Variants in TMEM200C observed in about 807,000 individuals in gnomAD.
TMEM200C encodes the protein transmembrane protein TTMA.
For missense variants in TMEM200C, 966 were observed against 699.9 expected, an observed-to-expected ratio of 1.38 and a Z score of -4.29; for synonymous variants, 462 against 324.7, an observed-to-expected ratio of 1.42 and a Z score of -4.55.
chr18:5,890,670 G>A (rs1047425853), exon 3 of TMEM200C: 71 of 598,364 alleles, frequency 1.2e-4, no homozygotes, highest in Non-Finnish European at 1.2e-4. Flanking sequence ...CCGCAAGGCC[G>A]CGTACCTGCC....
At chr18:5,887,170 ACATTCGAGTCCTGCCACTGCTG>A (rs2095166003) in exon 3 of TMEM200C, 1 of 152,214 alleles carries the variant, frequency 6.6e-6, no homozygotes, top group Admixed American at 6.5e-5. Context: ...TTTTAATTTA[ACATTCGAGTCCTGCCACTGCTG>A]TTTGTCTCAG....
rs2095169347 is a variant in TMEM200C at position 5,890,578 on chromosome 18, C to G, written c.1486G>C (p.Asp496His). 11 of 1,319,504 alleles carry G rather than the reference C, an allele frequency of 8.3e-6. No homozygotes were observed. The East Asian group carries it at 3.3e-4, about 39-fold the overall frequency. The allele number at this position is 1,319,504 out of a possible 1,614,324, so 81.7% of individuals were successfully genotyped here. Residue 496 changes from aspartate to histidine, a missense_variant, in exon 3 of 3, where the codon GAC becomes CAC. By Grantham distance (81) the Asp-to-His change is moderately conservative. Transcript: ENST00000581347. ...GCGGCCTTGGCCAGAGGGCTGGAGT[C>G]CGGGTCCGCACTCCCCGGGGAGGGC...
intron 2 of TMEM200C, among the ~76,000 whole-genome samples, chr18:5,893,465 CT>C (rs375369229): frequency 1.5e-4 from 23 of 152,332 alleles, no homozygotes; most frequent in African/African-American, 5.5e-4. Context: ...AAATTACAGT[CT>C]TGCTGTATCT....
At chr18:5,892,743 T>C (rs1241068351) in intron 2 of TMEM200C, among the ~76,000 whole-genome samples, 1 of 152,212 alleles carries the variant, frequency 6.6e-6, no homozygotes, top group Non-Finnish European at 1.5e-5. Context: ...GGTCATATAA[T>C]GGCAGGCAGG....
exon 3 of TMEM200C, chr18:5,890,011 A>C (rs2095168406): frequency 2.1e-6 from 1 of 468,828 alleles, no homozygotes; most frequent in South Asian, 1.1e-4. Flanking sequence ...TGCTTAAAAA[A>C]AAAAATCCTT....
At position 5,891,436 on chromosome 18, in the gene TMEM200C, C is replaced by T. The variant is rs781080326; in HGVS notation, c.628G>A (p.Val210Met). 8.4e-6 allele frequency: 13 copies of T among 1,551,374 alleles called. No individual in the cohort carries two copies. In the East Asian group the frequency reaches 1.5e-4, roughly 18 times the overall value. The change falls in exon 3 of 3, where the codon GTG becomes ATG. Residue 210 changes from valine (V) to methionine (M), a missense_variant. Physicochemically the swap from Val to Met is conservative, Grantham distance 21 (BLOSUM62 1). Coordinates refer to ENST00000581347, the Ensembl canonical transcript of TMEM200C. This position sits in a 1 kb window ranked among gnomAD's most constrained non-coding sequence, Gnocchi z 4.7. ...AGGTCTTTGGCGCGGAGGCTGTGCA[C>T]GTCGATGACGGTGGAGTAGAGGTCC...
At position 5,891,373 on chromosome 18, in the gene TMEM200C, AG is replaced by A; in HGVS notation, c.690del (p.Ser231LeufsTer31). The A allele has an allele frequency of 7.5e-7, 1 of 1,340,880 alleles. No homozygotes were observed. Among genetic ancestry groups the A allele is most frequent in the Non-Finnish European group, 9.5e-7 (1 of 1,053,168 alleles). 83.1% of individuals were successfully genotyped at this position (1,340,880 alleles called of 1,614,324 possible). On this transcript the variant is annotated frameshift_variant, in exon 3 of 3. Coordinates refer to ENST00000581347, the Ensembl canonical transcript of TMEM200C. LOFTEE classifies it low-confidence loss of function (END_TRUNC). The surrounding 1 kb of genome is among the most constrained non-coding windows in gnomAD (Gnocchi z 4.7). ...GCGGCGGGGGCAGACGACGACGAAG[AG>A]GCGGCGGCGGCCGCGGCGGCGGCCG...
exon 3 of TMEM200C, chr18:5,883,053 TC>T (rs2095162895): frequency 6.6e-6 from 1 of 152,100 alleles, no homozygotes; most frequent in Non-Finnish European, 1.5e-5. Context: ...TTTTTAATCT[TC>T]TTACCAATAG....
At chr18:5,883,458 C>G (rs1414101505) in exon 3 of TMEM200C, 1 of 152,044 alleles carries the variant, frequency 6.6e-6, no homozygotes, top group Non-Finnish European at 1.5e-5. Context: ...AAATGACTGG[C>G]TGTTTAAAAA....
At position 5,890,412 on chromosome 18, in the gene TMEM200C, A is replaced by C. The variant is rs780687043; in HGVS notation, c.1652T>G (p.Leu551Trp). ...TCGCGTTTGACCAGCTACTGCGTCC[A>C]AGACCGACTCGGTGGAGGTGCCGGC... The change falls in exon 3 of 3, where the codon TTG (leucine) becomes TGG (tryptophan). Residue 551 changes from leucine (L) to tryptophan (W), a missense_variant. Coordinates refer to ENST00000581347, the Ensembl canonical transcript of TMEM200C. The C allele has an allele frequency of 7.6e-6, 12 of 1,575,862 alleles. No homozygotes were observed. The South Asian group carries it at 1.4e-4, about 19-fold the overall frequency.
intron 1 of TMEM200C, chr18:5,895,491 G>C (rs2095175198): frequency 6.7e-6 from 1 of 149,460 alleles, no homozygotes; most frequent in African/African-American, 2.4e-5. Context: ...CTAAGAGACC[G>C]GAGCCATGAC....
At chr18:5,895,571 C>A (rs1319528927) in intron 1 of TMEM200C, 49 bp from the exon 1 acceptor site, 1 of 140,706 alleles carries the variant, frequency 7.1e-6, no homozygotes, top group Non-Finnish European at 1.6e-5. Flanking sequence ...CGCCCCCGCC[C>A]CCGCCCCCCG....
At chr18:5,889,097 T>A (rs1230854954) in exon 3 of TMEM200C, 2 of 152,240 alleles carry the variant, frequency 1.3e-5, no homozygotes, top group Non-Finnish European at 2.9e-5. Flanking sequence ...ATCAAGACCA[T>A]TAACTTATAA....
exon 3 of TMEM200C, chr18:5,889,143 A>G (rs1174438096): frequency 6.6e-6 from 1 of 152,268 alleles, no homozygotes; most frequent in African/African-American, 2.4e-5. Flanking sequence ...GAGAATATTA[A>G]GCCTGGTGCT....
chr18:5,892,058 G>A, exon 3 of TMEM200C: 1 of 1,611,948 alleles, frequency 6.2e-7, no homozygotes, highest in Non-Finnish European at 8.5e-7. Flanking sequence ...CGCCGGTGGC[G>A]ATCATGGCGA....
At position 5,891,773 on chromosome 18, in the gene TMEM200C, C is replaced by G. The variant is rs2144453508; in HGVS notation, c.291G>C (p.Arg97=). 1 of 1,609,102 alleles carries G rather than the reference C, an allele frequency of 6.2e-7. No homozygotes were observed. Among genetic ancestry groups the G allele is most frequent in the Non-Finnish European group, 8.5e-7 (1 of 1,179,246 alleles). Residue 97 remains arginine, a synonymous_variant, in exon 3 of 3, where the codon CGG becomes CGC. Transcript: ENST00000581347. The surrounding 1 kb of genome is among the most constrained non-coding windows in gnomAD (Gnocchi z 4.7). ...TACTGCTGTTGGCCGTGGTTGGGAC[C>G]CGGTGGCTGCTGCCCGCAGGCGGCA...
chr18:5,890,926 C>T (rs764713082), exon 3 of TMEM200C: 13 of 677,420 alleles, frequency 1.9e-5, no homozygotes, highest in Admixed American at 8.4e-5. Context: ...GGCAGCAGCG[C>T]GAAGGCGCTC....
rs1026424750 is a variant in TMEM200C, at chr18:5,891,233, C to T, written c.831G>A (p.Ala277=). 8.7e-4 allele frequency: 1,151 copies of T among 1,322,792 alleles called. 1 individual carries two copies. The highest frequency in any genetic ancestry group is 1.0e-3 in the Non-Finnish European group (1,065 of 1,024,008). 81.9% of individuals were successfully genotyped at this position (1,322,792 alleles called of 1,614,324 possible). A position where few individuals can be genotyped will look rare whatever the true frequency, so the allele number is the denominator to read the frequency against. The change falls in exon 3 of 3, where the codon GCG becomes GCA. Residue 277 remains alanine, a synonymous_variant. Coordinates refer to ENST00000581347, the Ensembl canonical transcript of TMEM200C. This position sits in a 1 kb window ranked among gnomAD's most constrained non-coding sequence, Gnocchi z 4.7. ...GAGGCCACGAGCCCTTGGCCAGCAT[C>T]GCCGCCGCTCCGAAGGCGTCCCCGG... is the stretch of plus-strand genomic sequence containing the variant.
At chr18:5,894,841 A>G (rs1599528585) in intron 2 of TMEM200C, among the ~76,000 whole-genome samples, 189 bp downstream of exon 1, 2 of 152,210 alleles carry the variant, frequency 1.3e-5, no homozygotes, top group East Asian at 3.9e-4. Flanking sequence ...AAGTGAGGGC[A>G]ATCCTGAACT....
Sources: gnomAD v4.1 joint callset for allele counts (sites outside exome capture counted in the v4.1 genomes callset) on GRCh38, gnomAD v4.1.1 for gene constraint, Gnocchi (gnomAD v3.1) non-coding constraint, MANE v1.5 for transcripts, NCBI Gene and HGNC (gene_info 2026-07-23, HGNC 2026-07-21) for gene names.